The following INAVA variants were observed in gnomAD, a reference collection of about 807,000 sequenced individuals.
INAVA encodes the protein innate immunity activator.
In INAVA, 32 loss-of-function variants were observed where a neutral mutation model predicts 55.3. That is an observed-to-expected ratio of 0.58 (90% CI 0.44 to 0.78). INAVA has a LOEUF of 0.78. INAVA is among the 30% of genes least tolerant of loss of function. INAVA has a pLI of 0.00. For missense variants in INAVA, 756 were observed against 786.4 expected (o/e 0.96, Z 0.46); for synonymous variants, 294 against 329.4 (o/e 0.89, Z 1.16).
Position 200,908,743 on chromosome 1 carries a change from G to A in INAVA, c.588G>A (p.Val196=), listed in dbSNP as rs1157691733. 1.3e-6 allele frequency: 2 copies of A among 1,576,276 alleles called. No homozygotes were observed. The highest frequency in any genetic ancestry group is 1.2e-5 in the South Asian group (1 of 86,048). Residue 196 remains valine (V), a synonymous_variant, in exon 7 of 10, where the codon GTG becomes GTA. Coordinates refer to ENST00000413687, the MANE Select transcript of INAVA (RefSeq NM_001142569.3). ...TTACTCCTGCAGAGGAATCCCAAGTGCCAAAACCTCCTCCAGAGTCTCCAG... is the reference window on the plus strand; with the variant it reads ...TTACTCCTGCAGAGGAATCCCAAGTACCAAAACCTCCTCCAGAGTCTCCAG... The part of the protein sequence containing the change: ...GLLLEEEESQ[V]PKPPPESPAP...
In INAVA at chr1:200,913,593, T is replaced by A; in HGVS notation, c.1701T>A (p.Phe567Leu). 1 of 1,614,090 alleles carries A rather than the reference T, an allele frequency of 6.2e-7. No individual in the cohort carries two copies. ...RSPDGAPVQV[F>L]VPEKGEIISQ... is the part of the protein sequence containing the mutation. ...CTGATGGGGCCCCTGTGCAAGTCTT[T>A]GTACCTGAAAAAGGAGAGATCATCA... The change falls in exon 10 of 10, where the codon TTT (phenylalanine) becomes TTA (leucine). Residue 567 changes from phenylalanine to leucine, a missense_variant. Coordinates refer to ENST00000413687, the MANE Select transcript of INAVA (RefSeq NM_001142569.3).
At chr1:200,908,683 C>T (rs755874174) in intron 6 of INAVA, 47 bp from the exon 7 acceptor site, 17 of 1,471,518 alleles carry the variant, frequency 1.2e-5, no homozygotes, top group Admixed American at 7.0e-5. Flanking sequence ...CTTGTTGGGC[C>T]GGTTCCCCCA....
intron 2 of INAVA, 106 bp from the exon 3 acceptor site, chr1:200,899,357 ATGTGTGTGTG>A (rs138282802): frequency 1.5e-6 from 2 of 1,326,766 alleles, no homozygotes; most frequent in Non-Finnish European, 1.0e-6. Context: ...CAGGCATGAG[ATGTGTGTGTG>A]TGTGTGCATG....
chr1:200,912,138 G>A lies in INAVA; in HGVS notation c.1644+1G>A. 6.5e-7 allele frequency: 1 copy of A among 1,546,344 alleles called. No homozygotes were observed. On this transcript the variant is annotated splice_donor_variant, in intron 9 of 9. Coordinates refer to ENST00000413687, the MANE Select transcript of INAVA (RefSeq NM_001142569.3). LOFTEE classifies it high-confidence loss of function. ...ACGAGCCCTGGGACCCCGGGCACAG[G>A]TACGGCTGCTCTGGAGGGACCCCGG...
At position 200,908,580 on chromosome 1, in the gene INAVA, G is replaced by C. The variant is rs1653585698; in HGVS notation, c.575-150G>C. ...TCCCAAAGGAGAAGAAAACATGTTT[G>C]AGCATCTAGGGCTGGAGCCATGGCC... is the stretch of plus-strand genomic sequence containing the variant. On this transcript the variant is annotated intron_variant, in intron 6 of 9. Transcript: ENST00000413687. 8 of 650,752 alleles carry C rather than the reference G, an allele frequency of 1.2e-5. No homozygotes were observed. The South Asian group carries it at 1.4e-4, about 11-fold the overall frequency. The allele number at this position is 650,752 out of a possible 1,614,324, so 40.3% of individuals were successfully genotyped here.
rs1420608382 is a variant in INAVA at position 200,913,731 on chromosome 1, C to T, written c.*102C>T. ...CAGCTCCCCCATCCCCATCGCAGGC[C>T]GATGACCTGGAGCTGAGACCTTTTA... On this transcript the variant is annotated 3_prime_UTR_variant, in exon 10 of 10. Coordinates refer to ENST00000413687, the MANE Select transcript of INAVA (RefSeq NM_001142569.3). The T allele has an allele frequency of 2.2e-6, 2 of 901,230 alleles. No individual in the cohort carries two copies. The highest frequency in any genetic ancestry group is 3.1e-5 in the South Asian group (2 of 64,804). The allele number at this position is 901,230 out of a possible 1,614,324, so 55.8% of individuals were successfully genotyped here.
At position 200,913,528 on chromosome 1, in the gene INAVA, C is replaced by A; in HGVS notation, c.1645-9C>A. 2 of 1,613,118 alleles carry A rather than the reference C, an allele frequency of 1.2e-6. No homozygotes were observed. Among genetic ancestry groups the A allele is most frequent in the Non-Finnish European group, 1.7e-6 (2 of 1,179,174 alleles). The stretch of plus-strand genomic sequence containing the variant: ...TTACCCACCTGTCCTTTCTTCCTGA[C>A]CCTGGCAGGTGCCCACAGTTTGTGT... On this transcript the variant is annotated splice_polypyrimidine_tract_variant and intron_variant, in intron 9 of 9. Coordinates refer to ENST00000413687, the MANE Select transcript of INAVA (RefSeq NM_001142569.3).
rs181091158 is a variant in INAVA, at chr1:200,913,687, C to T, written c.*58C>T. ...TAGAGGGGCTGGGCTGAGACCCCCCCACCCCTGAGTGCCTCTTTCAGCTCC... is the reference window on the plus strand; with the variant it reads ...TAGAGGGGCTGGGCTGAGACCCCCCTACCCCTGAGTGCCTCTTTCAGCTCC... On this transcript the variant is annotated 3_prime_UTR_variant, in exon 10 of 10. Transcript: ENST00000413687. 11 of 1,404,288 alleles carry T rather than the reference C, an allele frequency of 7.8e-6. No individual in the cohort carries two copies. Among genetic ancestry groups the T allele is most frequent in the African/African-American group, 2.8e-5 (2 of 70,624 alleles). The allele number at this position is 1,404,288 out of a possible 1,614,324, so 87.0% of individuals were successfully genotyped here.
chr1:200,907,171 T>C (rs1204402194), intron 5 of INAVA, among the ~76,000 whole-genome samples: 1 of 152,184 alleles, frequency 6.6e-6, no homozygotes, highest in Non-Finnish European at 1.5e-5. Flanking sequence ...ACCCTTTGTC[T>C]TTCCTTTCCA....
chr1:200,897,278 G>C (rs1251362115), intron 1 of INAVA, among the ~76,000 whole-genome samples: 1 of 152,224 alleles, frequency 6.6e-6, no homozygotes, highest in Non-Finnish European at 1.5e-5. Context: ...TGGCAACCCT[G>C]ATAGACACAG....
At chr1:200,899,826 G>T (rs966626288) in intron 3 of INAVA, among the ~76,000 whole-genome samples, 1 of 152,222 alleles carries the variant, frequency 6.6e-6, no homozygotes, top group Non-Finnish European at 1.5e-5. Context: ...AGTTCATCAG[G>T]GGCTGCAGAG....
chr1:200,900,348 G>A (rs1653192202), intron 4 of INAVA, 128 bp downstream of exon 4: 3 of 779,320 alleles, frequency 3.8e-6, no homozygotes, highest in South Asian at 1.8e-5. Context: ...GTGCTTGGCT[G>A]CCTGTTGGTG....
At position 200,894,951 on chromosome 1, in the gene INAVA, G is replaced by A. The variant is rs532992331; in HGVS notation, c.-231G>A. The A allele has an allele frequency of 3.8e-5, 37 of 985,770 alleles. 1 individual carries two copies. In the African/African-American group the frequency reaches 5.8e-4, roughly 15 times the overall value. 61.1% of individuals were successfully genotyped at this position (985,770 alleles called of 1,614,324 possible). On this transcript the variant is annotated 5_prime_UTR_variant, in exon 1 of 10. Coordinates refer to ENST00000413687, the MANE Select transcript of INAVA (RefSeq NM_001142569.3). ...GGCAGGTGAGCCGAGACGGACGGAC[G>A]GCCAGCAGCTCCGTCAGCTGGAGAG... is the stretch of plus-strand genomic sequence containing the variant.
intron 2 of INAVA, 90 bp downstream of exon 2, chr1:200,898,545 A>G: frequency 7.0e-7 from 1 of 1,427,874 alleles, no homozygotes. Context: ...GCCCTCAGGC[A>G]CTAGGGCTGG....
At chr1:200,894,808 C>G (rs1237548326), upstream of INAVA, 1 of 985,428 alleles carries the variant, frequency 1.0e-6, no homozygotes, top group African/African-American at 1.7e-5. Context: ...CCTGCTGGCA[C>G]CAGTTGCACG....
At position 200,911,810 on chromosome 1, in the gene INAVA, G is replaced by A. The variant is rs778338142; in HGVS notation, c.1317G>A (p.Val439=). 2.4e-5 allele frequency: 39 copies of A among 1,607,126 alleles called. No individual in the cohort carries two copies. The highest frequency in any genetic ancestry group is 3.2e-5 in the Non-Finnish European group (38 of 1,178,232). Residue 439 remains valine (V), a synonymous_variant, in exon 9 of 10, where the codon GTG becomes GTA. Coordinates refer to ENST00000413687, the MANE Select transcript of INAVA (RefSeq NM_001142569.3). ...ATTTCCCGGCGGGGCGGTACGTGGT[G>A]GTGGCTGAGAGCCCCCTGCCGCCTG... ...PGYFPAGRYV[V]VAESPLPPGE... is the part of the protein sequence containing the mutation.
rs1292809176 is a variant in INAVA at position 200,898,284 on chromosome 1, A to T, written c.-94-23A>T. The T allele has an allele frequency of 1.1e-5, 18 of 1,598,138 alleles. No individual in the cohort carries two copies. In the Admixed American group the frequency reaches 1.4e-4, roughly 13 times the overall value. On this transcript the variant is annotated intron_variant, in intron 1 of 9. Coordinates refer to ENST00000413687, the MANE Select transcript of INAVA (RefSeq NM_001142569.3). ...ATGGTTCATATCTAGCTTTTTTGTT[A>T]TTGTTCTCTTTTCTCTTTAAAGCTG...
Position 200,911,496 on chromosome 1 carries a change from G to T in INAVA, c.1003G>T (p.Ala335Ser). Residue 335 changes from alanine to serine, a missense_variant, in exon 9 of 10, where the codon GCC becomes TCC. This residue lies in a region of INAVA where 639 missense variants were observed against 624.3 expected (regional missense o/e 1.02). Transcript: ENST00000413687. ...RAGPEGRGRSAFPRRRPTHYT... is the reference protein window; with the variant it reads ...RAGPEGRGRSSFPRRRPTHYT... Reference sequence around the variant, plus strand: ...GGGTCCTGAGGGCCGAGGTCGCAGCGCCTTTCCCCGCCGCCGCCCCACTCA... The same window carrying T: ...GGGTCCTGAGGGCCGAGGTCGCAGCTCCTTTCCCCGCCGCCGCCCCACTCA... The T allele has an allele frequency of 1.2e-6, 2 of 1,613,562 alleles. No individual in the cohort carries two copies. The highest frequency in any genetic ancestry group is 1.1e-5 in the South Asian group (1 of 91,024).
chr1:200,894,798 C>A (rs992805060), upstream of INAVA: 9 of 985,378 alleles, frequency 9.1e-6, no homozygotes, highest in Non-Finnish European at 1.1e-5. Flanking sequence ...CCAGGAGCTG[C>A]CTGCTGGCAC....
Sources: gnomAD v4.1 joint callset for allele counts (sites outside exome capture counted in the v4.1 genomes callset) on GRCh38, gnomAD v4.1.1 for gene constraint, gnomAD v4.1.1 regional missense constraint, MANE v1.5 for transcripts, NCBI Gene and HGNC (gene_info 2026-07-23, HGNC 2026-07-21) for gene names.